Variants in RAB3IP observed in about 807,000 individuals in gnomAD.
The protein encoded by RAB3IP is RAB3A interacting protein.
In RAB3IP, 36 loss-of-function variants were observed where a neutral mutation model predicts 59.1. The observed-to-expected ratio is 0.61, with a 90% CI of 0.47 to 0.80. RAB3IP has a LOEUF of 0.80. Among genes scored for constraint, RAB3IP ranks in the 30% least tolerant of loss-of-function variants. The probability of loss-of-function intolerance (pLI) is 0.00; values close to 1 mark genes in which losing one functional copy is unlikely to be tolerated. For synonymous variants in RAB3IP, 207 were observed against 191.2 expected, an observed-to-expected ratio of 1.08 and a Z score of -0.68; for missense variants, 511 against 536.0, an observed-to-expected ratio of 0.95 and a Z score of 0.46.
chr12:69,778,462 C>G (rs959450605), intron 3 of RAB3IP, among the ~76,000 whole-genome samples: 22 of 145,016 alleles, frequency 1.5e-4, no homozygotes, highest in African/African-American at 5.1e-4. Context: ...TGGTGAGGAA[C>G]TGCGTTCCTT....
intron 3 of RAB3IP, among the ~76,000 whole-genome samples, chr12:69,757,511 A>G (rs1054601487): frequency 6.6e-6 from 1 of 152,050 alleles, no homozygotes; most frequent in Non-Finnish European, 1.5e-5. Context: ...CTGGAGACTC[A>G]TATCAAAAGT....
At chr12:69,805,892 G>A (rs1220819893) in intron 8 of RAB3IP, among the ~76,000 whole-genome samples, 19 of 152,148 alleles carry the variant, frequency 1.2e-4, no homozygotes, top group East Asian at 1.2e-3. Context: ...TGCTGGATTC[G>A]GTTTGCCAGT....
Position 69,756,477 on chromosome 12 carries a change from A to G in RAB3IP, c.324A>G (p.Arg108=). The G allele has an allele frequency of 1.2e-6, 2 of 1,614,120 alleles. No individual in the cohort carries two copies. Among genetic ancestry groups the G allele is most frequent in the East Asian group, 2.2e-5 (1 of 44,874 alleles). The change falls in exon 3 of 11, where the codon AGA becomes AGG. Residue 108 remains arginine, a synonymous_variant. Coordinates refer to ENST00000247833, the MANE Select transcript of RAB3IP (RefSeq NM_022456.5). ...CTGGATTAACTAAATTAACTACAAG[A>G]AAGGACAACTATAATGCAGAGAGAG... ...VTAGLTKLTT[R]KDNYNAEREF...
chr12:69,751,551 T>A (rs1304815832), intron 1 of RAB3IP, among the ~76,000 whole-genome samples: 1 of 152,170 alleles, frequency 6.6e-6, no homozygotes, highest in Non-Finnish European at 1.5e-5. Flanking sequence ...AATTCTTTGA[T>A]TTTATATTTG....
Position 69,741,593 on chromosome 12 carries a change from G to A in RAB3IP, c.-26+2562G>A, listed in dbSNP as rs966665505. On this transcript the variant is annotated intron_variant, in intron 1 of 10. Transcript: ENST00000247833. ...CTTATCAAGCGAAGTCCTGGTGTAA[G>A]CTTTATACTCATTTACTCTCAGAGT... Among the ~76,000 whole-genome samples the A allele has an allele frequency of 3.6e-4, 55 of 152,120 alleles. 1 individual carries two copies. The highest frequency in any genetic ancestry group is 1.3e-3 in the African/African-American group (53 of 41,426).
At position 69,792,850 on chromosome 12, in the gene RAB3IP, A is replaced by C. The variant is rs1215268428; in HGVS notation, c.607-1587A>C. ...CAAACATATTTTAAAAACAAACAAA[A>C]AACTTTTCTAGCTTTTCTAATCGTT... On this transcript the variant is annotated intron_variant, in intron 4 of 10. Transcript: ENST00000247833. Among the ~76,000 whole-genome samples the C allele has an allele frequency of 2.0e-5, 3 of 152,332 alleles. No individual in the cohort carries two copies. The East Asian group carries it at 5.8e-4, about 29-fold the overall frequency.
intron 1 of RAB3IP, among the ~76,000 whole-genome samples, chr12:69,746,687 G>T (rs76522223): frequency 6.6e-6 from 1 of 152,220 alleles, no homozygotes; most frequent in East Asian, 1.9e-4. Context: ...TATTTAATAT[G>T]TATAATAAAT....
At chr12:69,793,860 C>T (rs1489013073) in intron 4 of RAB3IP, among the ~76,000 whole-genome samples, 3 of 152,108 alleles carry the variant, frequency 2.0e-5, no homozygotes, top group Non-Finnish European at 4.4e-5. Flanking sequence ...GAATTAAATA[C>T]CTAGAGTTTC....
At chr12:69,772,839 A>G (rs1873374102) in intron 3 of RAB3IP, among the ~76,000 whole-genome samples, 1 of 152,182 alleles carries the variant, frequency 6.6e-6, no homozygotes, top group Non-Finnish European at 1.5e-5. Flanking sequence ...TACTACTATT[A>G]CAATATTAGA....
chr12:69,753,373 ATTTTTT>A (rs1375264363), intron 1 of RAB3IP, among the ~76,000 whole-genome samples: 1 of 151,736 alleles, frequency 6.6e-6, no homozygotes, highest in Admixed American at 6.6e-5. Context: ...TTTTATTTTT[ATTTTTT>A]GAGTTGGAAT....
intron 5 of RAB3IP, 29 bp from the exon 6 acceptor site, chr12:69,795,112 G>T: frequency 6.5e-7 from 1 of 1,542,880 alleles, no homozygotes; most frequent in Non-Finnish European, 8.9e-7. Flanking sequence ...CGTATTTAAT[G>T]TATGTGACTA....
intron 8 of RAB3IP, among the ~76,000 whole-genome samples, chr12:69,806,056 A>G (rs1373603503): frequency 1.3e-5 from 2 of 152,336 alleles, no homozygotes; most frequent in East Asian, 3.9e-4. Flanking sequence ...TTATTGGAAT[A>G]GTTTCAGAAG....
intron 4 of RAB3IP, among the ~76,000 whole-genome samples, chr12:69,787,100 G>A (rs1592557202): frequency 6.6e-6 from 1 of 152,100 alleles, no homozygotes; most frequent in South Asian, 2.1e-4. Context: ...ATCTTTTTAG[G>A]AATTAAAGAT....
intron 8 of RAB3IP, among the ~76,000 whole-genome samples, chr12:69,806,343 T>G (rs1409764575): frequency 1.3e-5 from 2 of 152,200 alleles, no homozygotes; most frequent in African/African-American, 4.8e-5. Flanking sequence ...AGTGGTGATA[T>G]CCCCTTTATC....
At chr12:69,738,673 G>A (rs889622727), upstream of RAB3IP, 4 of 152,182 alleles carry the variant, frequency 2.6e-5, no homozygotes, top group African/African-American at 9.6e-5. Context: ...CGCCCGCGGA[G>A]GAACCTCGGG....
chr12:69,797,022 AG>A (rs1451168349), intron 6 of RAB3IP, among the ~76,000 whole-genome samples: 1 of 152,220 alleles, frequency 6.6e-6, no homozygotes, highest in East Asian at 1.9e-4. Context: ...CTTGTCAAAA[AG>A]TCTTACTAGG....
chr12:69,797,587 G>C (rs552044692), intron 6 of RAB3IP, among the ~76,000 whole-genome samples: 158 of 144,586 alleles, frequency 1.1e-3, no homozygotes, highest in African/African-American at 3.9e-3. Flanking sequence ...GTTAGTTACA[G>C]ATGTATACAT....
At chr12:69,806,579 T>G (rs1330137212) in intron 8 of RAB3IP, among the ~76,000 whole-genome samples, 1 of 146,742 alleles carries the variant, frequency 6.8e-6, no homozygotes. Context: ...AGTTTTTTTT[T>G]TTTTTTTTTT....
At chr12:69,791,853 T>C (rs1332504753) in intron 4 of RAB3IP, among the ~76,000 whole-genome samples, 1 of 152,210 alleles carries the variant, frequency 6.6e-6, no homozygotes, top group African/African-American at 2.4e-5. Context: ...TGATGAGTTA[T>C]CTGTGCTTCC....
Sources: gnomAD v4.1 joint callset for allele counts (sites outside exome capture counted in the v4.1 genomes callset) on GRCh38, gnomAD v4.1.1 for gene constraint, MANE v1.5 for transcripts, NCBI Gene and HGNC (gene_info 2026-07-23, HGNC 2026-07-21) for gene names.